Variants in CXADR observed in about 807,000 individuals in gnomAD.
CXADR encodes the protein coxsackievirus and adenovirus receptor.
A neutral mutation model predicts 40.3 loss-of-function variants in CXADR; 20 were observed. That is an observed-to-expected ratio of 0.50 (90% CI 0.35 to 0.72). The LOEUF is 0.72. Among genes scored for constraint, CXADR ranks in the 30% least tolerant of loss-of-function variants. CXADR has a pLI of 0.01. For missense variants in CXADR, 332 were observed against 449.1 expected (o/e 0.74, Z 2.36); for synonymous variants, 150 against 161.3 (o/e 0.93, Z 0.53).
chr21:17,587,439 G>T (rs142953082), intron 7 of CXADR, among the ~76,000 whole-genome samples: 1 of 152,158 alleles, frequency 6.6e-6, no homozygotes. Flanking sequence ...ATTCTAACTG[G>T]TGTGAGATGG....
At chr21:17,513,423 G>A (rs962185379) in intron 1 of CXADR, among the ~76,000 whole-genome samples, 1 of 152,210 alleles carries the variant, frequency 6.6e-6, no homozygotes, top group Admixed American at 6.5e-5. Context: ...GGGGGTGGAG[G>A]CGGAGGGGCT....
At chr21:17,603,423 A>G in the CXADR span, among the ~76,000 whole-genome samples, 1 of 152,218 alleles carries the variant, frequency 6.6e-6, no homozygotes, top group Non-Finnish European at 1.5e-5. Flanking sequence ...ATAAACTTAC[A>G]CCAACCACTG....
chr21:17,546,995 A>G, intron 1 of CXADR, 32 bp from the exon 2 acceptor site: 1 of 1,610,098 alleles, frequency 6.2e-7, no homozygotes, highest in Non-Finnish European at 8.5e-7. Flanking sequence ...CGTATAGCAA[A>G]TGCTTAGTCC....
At chr21:17,577,005 T>A (rs2061326773) in intron 7 of CXADR, 2 of 152,230 alleles carry the variant, frequency 1.3e-5, no homozygotes, top group South Asian at 4.1e-4. Context: ...TACATTTCCA[T>A]GCTGTTTAGA....
chr21:17,528,365 C>T (rs553688151), intron 1 of CXADR, among the ~76,000 whole-genome samples: 25 of 151,790 alleles, frequency 1.6e-4, no homozygotes, highest in Non-Finnish European at 3.2e-4. Flanking sequence ...TGAGCCACCG[C>T]GCCCGGCATG....
intron 1 of CXADR, among the ~76,000 whole-genome samples, chr21:17,545,399 A>T (rs1254853496): frequency 6.6e-6 from 1 of 152,090 alleles, no homozygotes; most frequent in East Asian, 1.9e-4. Flanking sequence ...GTTTTATGTG[A>T]TTGTTCACTT....
In CXADR at chr21:17,584,663, C is replaced by T. The variant is rs144716865; in HGVS notation, c.1018-8489C>T. Among the ~76,000 whole-genome samples, 1,001 of 152,240 alleles carry T rather than the reference C, an allele frequency of 6.6e-3. 50 individuals are homozygous for T. In the East Asian group the frequency reaches 0.12, roughly 18 times the overall value. ...TGGCCAACATAGTGAAACCCTGTCT[C>T]TACTAAAAATACAAAAAGTTAGCTG... is the stretch of plus-strand genomic sequence containing the variant. On this transcript the variant is annotated intron_variant, in intron 7 of 7. Transcript: ENST00000400169.
intron 7 of CXADR, among the ~76,000 whole-genome samples, chr21:17,580,564 C>T (rs370519084): frequency 1.3e-5 from 2 of 152,148 alleles, no homozygotes. Context: ...GAGTTGTGAT[C>T]GCACTACTGA....
intron 7 of CXADR, among the ~76,000 whole-genome samples, chr21:17,587,746 TC>T (rs907781610): frequency 1.3e-5 from 2 of 151,806 alleles, no homozygotes; most frequent in Non-Finnish European, 3.0e-5. Flanking sequence ...TTTAATTAGA[TC>T]CCATTTGTCA....
At chr21:17,601,803 A>G in the CXADR span, among the ~76,000 whole-genome samples, 1 of 152,220 alleles carries the variant, frequency 6.6e-6, no homozygotes, top group East Asian at 1.9e-4. Flanking sequence ...GAAATTTGAG[A>G]AAAATTCCTG....
intron 5 of CXADR, among the ~76,000 whole-genome samples, 164 bp downstream of exon 5, chr21:17,560,988 A>C (rs1380268117): frequency 1.3e-5 from 2 of 152,264 alleles, no homozygotes; most frequent in African/African-American, 4.8e-5. Flanking sequence ...TTATTAAAAA[A>C]ACTTCATAAT....
chr21:17,584,427 A>G (rs1007211087), intron 7 of CXADR, among the ~76,000 whole-genome samples: 7 of 152,246 alleles, frequency 4.6e-5, no homozygotes, highest in African/African-American at 1.4e-4. Context: ...TCATCGTGCC[A>G]TCCTGCATTC....
chr21:17,522,679 G>A (rs2093002186), intron 1 of CXADR, among the ~76,000 whole-genome samples: 1 of 152,160 alleles, frequency 6.6e-6, no homozygotes, highest in South Asian at 2.1e-4. Context: ...CTATTGAACA[G>A]TTTCTTTCTG....
intron 1 of CXADR, among the ~76,000 whole-genome samples, chr21:17,520,297 C>A (rs1457717927): frequency 6.6e-6 from 1 of 152,140 alleles, no homozygotes; most frequent in East Asian, 1.9e-4. Flanking sequence ...ACATAGAGAT[C>A]TGAAGGGTTT....
intron 1 of CXADR, among the ~76,000 whole-genome samples, chr21:17,527,986 A>G (rs187384189): frequency 7.1e-6 from 1 of 140,782 alleles, no homozygotes. Flanking sequence ...CTTACACCAC[A>G]TTTTCTTGAC....
At chr21:17,585,557 CGT>C (rs2061388923) in intron 7 of CXADR, among the ~76,000 whole-genome samples, 1 of 152,008 alleles carries the variant, frequency 6.6e-6, no homozygotes, top group Non-Finnish European at 1.5e-5. Flanking sequence ...CTCGCTCTGT[CGT>C]CACGCTGGAG....
At chr21:17,536,081 G>C (rs1375086400) in intron 1 of CXADR, among the ~76,000 whole-genome samples, 1 of 152,166 alleles carries the variant, frequency 6.6e-6, no homozygotes, top group Non-Finnish European at 1.5e-5. Flanking sequence ...AATGGCGCCA[G>C]ATATTTCGAG....
rs201514682 is a variant in CXADR at position 17,534,098 on chromosome 21, A to T, written c.44-12929A>T. 7.8e-3 allele frequency among the ~76,000 whole-genome samples: 678 copies of T among 86,506 alleles called. 15 individuals carry two copies. The highest frequency in any genetic ancestry group is 0.033 in the African/African-American group (586 of 17,540). The allele number at this position is 86,506 out of a possible 152,430, so 56.8% of individuals were successfully genotyped here. On this transcript the variant is annotated intron_variant, in intron 1 of 6. Coordinates refer to ENST00000284878, the MANE Select transcript of CXADR (RefSeq NM_001338.5). ...CACACACACATATATATATATATAT[A>T]TATTTTTTTTTTTTTTTTTTTTTTT...
At chr21:17,534,134 G>T (rs2060722683) in intron 1 of CXADR, among the ~76,000 whole-genome samples, 1 of 105,270 alleles carries the variant, frequency 9.5e-6, no homozygotes, top group African/African-American at 3.8e-5. Flanking sequence ...TTGAGATGGA[G>T]TCTCGCTCTG....
Sources: gnomAD v4.1 joint callset for allele counts (sites outside exome capture counted in the v4.1 genomes callset) on GRCh38, gnomAD v4.1.1 for gene constraint, MANE v1.5 for transcripts, NCBI Gene and HGNC (gene_info 2026-07-23, HGNC 2026-07-21) for gene names.